Variants in RXRA observed in about 807,000 individuals in gnomAD.
The protein encoded by RXRA is retinoid X receptor alpha, also known as retinoic acid receptor RXR-alpha.
RXRA carries 5 observed loss-of-function variants against 44.5 expected under a neutral mutation model. The observed-to-expected ratio is 0.11, with a 90% CI of 0.06 to 0.24. The LOEUF (loss-of-function observed/expected upper bound fraction) is 0.24, where lower values mean the gene tolerates loss of function less well. RXRA is among the 10% of genes least tolerant of loss of function. The pLI is 1.00. For synonymous variants in RXRA, 291 were observed against 271.4 expected, an observed-to-expected ratio of 1.07 and a Z score of -0.71; for missense variants, 412 against 646.5, an observed-to-expected ratio of 0.64 and a Z score of 3.93.
intron 6 of RXRA, chr9:134,424,076 G>A (rs1831393788): frequency 2.0e-6 from 2 of 985,436 alleles, no homozygotes; most frequent in Non-Finnish European, 1.2e-6. Context: ...CTCAGCCTGT[G>A]TGGGGTGTTC....
chr9:134,367,722 C>T (rs1830432044), intron 1 of RXRA, among the ~76,000 whole-genome samples: 1 of 152,320 alleles, frequency 6.6e-6, no homozygotes, highest in Non-Finnish European at 1.5e-5. Flanking sequence ...GGCACAGAGC[C>T]TCCTTAGCAC....
rs569349411 is a variant in RXRA, at chr9:134,426,403, T to G, written c.911-2705T>G. On this transcript the variant is annotated intron_variant, in intron 6 of 9. Transcript: ENST00000481739. This position sits in a 1 kb window ranked among gnomAD's most constrained non-coding sequence, Gnocchi z 4.6. ...TACATCCGAGAAGGAGGAGGGCAGC[T>G]TACAAAGGTGTGTGGGGCAGGAGAG... is the stretch of plus-strand genomic sequence containing the variant. 1 of 985,444 alleles carries G rather than the reference T, an allele frequency of 1.0e-6. No individual in the cohort carries two copies. The highest frequency in any genetic ancestry group is 1.1e-4 in the East Asian group (1 of 8,810). 61.0% of individuals were successfully genotyped at this position (985,444 alleles called of 1,614,324 possible).
chr9:134,429,783 C>T (rs1046798004), intron 7 of RXRA, among the ~76,000 whole-genome samples: 9 of 152,202 alleles, frequency 5.9e-5, no homozygotes, highest in East Asian at 3.9e-4. Context: ...CACCCTCGTC[C>T]GGGCCTGGGT....
At chr9:134,424,076 G>GT in intron 6 of RXRA, 1 of 985,436 alleles carries the variant, frequency 1.0e-6, no homozygotes, top group Non-Finnish European at 1.2e-6. Flanking sequence ...CTCAGCCTGT[G>GT]TGGGGTGTTC....
chr9:134,326,596 C>T lies in RXRA; in HGVS notation c.-36C>T. 1.1e-6 allele frequency: 1 copy of T among 923,806 alleles called. No homozygotes were observed. The highest frequency in any genetic ancestry group is 1.8e-5 in the African/African-American group (1 of 54,574). The allele number at this position is 923,806 out of a possible 1,614,324, so 57.2% of individuals were successfully genotyped here. Reference sequence around the variant, plus strand: ...GGGCCGCCGCGCCCGCCGCCCGCTGCCTGCGCCGCCGGCCGGGCATGAGTT... The same window carrying T: ...GGGCCGCCGCGCCCGCCGCCCGCTGTCTGCGCCGCCGGCCGGGCATGAGTT... On this transcript the variant is annotated 5_prime_UTR_variant, in exon 1 of 10. Coordinates refer to ENST00000481739, the MANE Select transcript of RXRA (RefSeq NM_002957.6).
At chr9:134,385,633 C>T (rs1375047126) in intron 1 of RXRA, among the ~76,000 whole-genome samples, 1 of 152,222 alleles carries the variant, frequency 6.6e-6, no homozygotes, top group Non-Finnish European at 1.5e-5. Context: ...ATGTGAGGGC[C>T]TGCGCGAGCG....
At position 134,417,534 on chromosome 9, in the gene RXRA, C is replaced by A. The variant is rs1831257162; in HGVS notation, c.780+207C>A. ...CGGCACTCTCCTCTCCTGGCCCATG[C>A]ACGAGTAGCCCATGGGGCAGGGGCC... is the stretch of plus-strand genomic sequence containing the variant. On this transcript the variant is annotated intron_variant, in intron 5 of 9. Coordinates refer to ENST00000481739, the MANE Select transcript of RXRA (RefSeq NM_002957.6). This position sits in a 1 kb window ranked among gnomAD's most constrained non-coding sequence, Gnocchi z 6.1. Among the ~76,000 whole-genome samples the A allele has an allele frequency of 1.3e-5, 2 of 152,138 alleles. No individual in the cohort carries two copies. The highest frequency in any genetic ancestry group is 4.8e-5 in the African/African-American group (2 of 41,438).
At chr9:134,345,081 C>T (rs1161874807) in intron 1 of RXRA, among the ~76,000 whole-genome samples, 1 of 152,204 alleles carries the variant, frequency 6.6e-6, no homozygotes, top group African/African-American at 2.4e-5. Context: ...GGCTTCTCTA[C>T]CCCAGACTCC....
intron 2 of RXRA, chr9:134,403,995 A>AC (rs1462985965): frequency 1.3e-5 from 2 of 152,054 alleles, no homozygotes; most frequent in Non-Finnish European, 2.9e-5. Context: ...GTTCCCCAGA[A>AC]CCCATAGCTC....
intron 1 of RXRA, among the ~76,000 whole-genome samples, chr9:134,390,574 T>C (rs1588282150): frequency 6.6e-6 from 1 of 152,322 alleles, no homozygotes; most frequent in East Asian, 1.9e-4. Flanking sequence ...TCAGCAAGTT[T>C]CTGCGGGGCA....
chr9:134,429,914 C>T lies in RXRA; in HGVS notation c.1043+674C>T, dbSNP rs35361309. ...AGCCTTTTTTTTTTTGAGATGGAGT[C>T]TCGCTCTGTCGCCCAGGCTAGATTG... On this transcript the variant is annotated intron_variant, in intron 7 of 9. Coordinates refer to ENST00000481739, the MANE Select transcript of RXRA (RefSeq NM_002957.6). Among the ~76,000 whole-genome samples, 1,409 of 151,940 alleles carry T rather than the reference C, an allele frequency of 9.3e-3. 24 individuals are homozygous for T. Among genetic ancestry groups the T allele is most frequent in the African/African-American group, 0.032 (1,341 of 41,406 alleles).
At chr9:134,408,015 C>T (rs1831083744) in intron 2 of RXRA, 134 bp from the exon 3 acceptor site, 2 of 609,060 alleles carry the variant, frequency 3.3e-6, no homozygotes, top group South Asian at 4.7e-5. Flanking sequence ...GGGTGGGGGG[C>T]ACGGCCCTCT....
intron 1 of RXRA, among the ~76,000 whole-genome samples, chr9:134,353,975 T>C (rs1830252883): frequency 6.6e-6 from 1 of 152,116 alleles, no homozygotes. Flanking sequence ...CTGGTAGCTG[T>C]TCACTGCGGA....
At chr9:134,398,418 G>A (rs559983189) in intron 1 of RXRA, among the ~76,000 whole-genome samples, 1 of 152,130 alleles carries the variant, frequency 6.6e-6, no homozygotes, top group South Asian at 2.1e-4. Flanking sequence ...GGCATTTTTT[G>A]CCTCTTCTTT....
At chr9:134,408,343 C>T (rs746352485) in intron 3 of RXRA, 44 bp downstream of exon 3, 7 of 1,556,368 alleles carry the variant, frequency 4.5e-6, no homozygotes, top group African/African-American at 1.4e-5. Context: ...ACAGGGTTGT[C>T]AGGCCATTGC....
chr9:134,426,485 A>T lies in RXRA; in HGVS notation c.911-2623A>T. The T allele has an allele frequency of 1.0e-6, 1 of 985,422 alleles. No individual in the cohort carries two copies. The highest frequency in any genetic ancestry group is 1.2e-6 in the Non-Finnish European group (1 of 829,918). The allele number at this position is 985,422 out of a possible 1,614,324, so 61.0% of individuals were successfully genotyped here. On this transcript the variant is annotated intron_variant, in intron 6 of 9. Transcript: ENST00000481739. This position sits in a 1 kb window ranked among gnomAD's most constrained non-coding sequence, Gnocchi z 4.6. ...AGGGACAGGGGACAGGGGAGCTGAGATGCAGCCGGCGTGCCGGAGGGTGCA... is the reference window on the plus strand; with the variant it reads ...AGGGACAGGGGACAGGGGAGCTGAGTTGCAGCCGGCGTGCCGGAGGGTGCA...
Position 134,438,371 on chromosome 9 carries a change from A to C in RXRA, c.*1757A>C, listed in dbSNP as rs1831665128. Reference sequence around the variant, plus strand: ...CATTCTTTGCCTTCCTGGAGCTCCCAGCCAGAGCTGAGCTTAGGCACCCGA... The same window carrying C: ...CATTCTTTGCCTTCCTGGAGCTCCCCGCCAGAGCTGAGCTTAGGCACCCGA... On this transcript the variant is annotated 3_prime_UTR_variant, in exon 10 of 10. Transcript: ENST00000481739. The C allele has an allele frequency of 6.6e-6, 1 of 152,234 alleles. No individual in the cohort carries two copies. Among genetic ancestry groups the C allele is most frequent in the Admixed American group, 6.5e-5 (1 of 15,280 alleles). The allele number at this position is 152,234 out of a possible 1,614,324, so 9.4% of individuals were successfully genotyped here. A position where few individuals can be genotyped will look rare whatever the true frequency, so the allele number is the denominator to read the frequency against.
At chr9:134,432,272 C>T (rs1226442411) in intron 8 of RXRA, among the ~76,000 whole-genome samples, 2 of 152,240 alleles carry the variant, frequency 1.3e-5, no homozygotes, top group Non-Finnish European at 2.9e-5. Context: ...CTCCGCGGTT[C>T]ATAGTGTTCA....
chr9:134,376,292 C>T (rs1294290044), intron 1 of RXRA, among the ~76,000 whole-genome samples: 2 of 152,288 alleles, frequency 1.3e-5, no homozygotes, highest in East Asian at 1.9e-4. Flanking sequence ...CTAGGAGCTT[C>T]GGTGCCTGGC....
Sources: gnomAD v4.1 joint callset for allele counts (sites outside exome capture counted in the v4.1 genomes callset) on GRCh38, gnomAD v4.1.1 for gene constraint, Gnocchi (gnomAD v3.1) non-coding constraint, MANE v1.5 for transcripts, NCBI Gene and HGNC (gene_info 2026-07-23, HGNC 2026-07-21) for gene names.